LMLN: variants seen among roughly 807,000 people sequenced by gnomAD.
LMLN encodes leishmanolysin like peptidase, also known as leishmanolysin-like peptidase.
LMLN carries 70 observed loss-of-function variants against 92.3 expected under a neutral mutation model. The observed-to-expected ratio is 0.76, with a 90% CI of 0.63 to 0.92. LMLN has a LOEUF of 0.92. LMLN is among the 40% of genes least tolerant of loss of function. LMLN has a pLI of 0.00. For missense variants in LMLN, 691 were observed against 814.6 expected, an observed-to-expected ratio of 0.85 and a Z score of 1.85; for synonymous variants, 308 against 296.2, an observed-to-expected ratio of 1.04 and a Z score of -0.41.
chr3:197,964,062 T>G (rs1720980062), intron 1 of LMLN, among the ~76,000 whole-genome samples: 1 of 152,238 alleles, frequency 6.6e-6, no homozygotes, highest in Admixed American at 6.5e-5. Flanking sequence ...TTATGAACTG[T>G]TATGTGGTAG....
chr3:197,991,437 G>C (rs1721866180), intron 9 of LMLN, among the ~76,000 whole-genome samples: 1 of 152,064 alleles, frequency 6.6e-6, no homozygotes, highest in South Asian at 2.1e-4. Context: ...TGGCTCACAT[G>C]ACTGTGGAAG....
chr3:198,005,373 C>A (rs1320440062), intron 11 of LMLN, among the ~76,000 whole-genome samples: 1 of 151,874 alleles, frequency 6.6e-6, no homozygotes, highest in Non-Finnish European at 1.5e-5. Flanking sequence ...CTTCCAGGAC[C>A]CCCCTGGATA....
chr3:197,973,450 G>C lies in LMLN; in HGVS notation c.220-927G>C, dbSNP rs1033920648. 2.0e-5 allele frequency among the ~76,000 whole-genome samples: 3 copies of C among 152,064 alleles called. No homozygotes were observed. The South Asian group carries it at 6.2e-4, about 32-fold the overall frequency. Reference sequence around the variant, plus strand: ...GTAGAGATGGGGTTTCACCATGTTAGCCAGGATGGTCTCAGTCTCCTGACC... The same window carrying C: ...GTAGAGATGGGGTTTCACCATGTTACCCAGGATGGTCTCAGTCTCCTGACC... On this transcript the variant is annotated intron_variant, in intron 1 of 15. Transcript: ENST00000330198.
At chr3:198,018,205 A>C (rs1310830859) in intron 11 of LMLN, among the ~76,000 whole-genome samples, 1 of 152,256 alleles carries the variant, frequency 6.6e-6, no homozygotes, top group Non-Finnish European at 1.5e-5. Flanking sequence ...AACAGAAATG[A>C]CTTTCATGGT....
chr3:198,030,363 C>T (rs554535240), intron 14 of LMLN, among the ~76,000 whole-genome samples: 11 of 152,286 alleles, frequency 7.2e-5, no homozygotes, highest in Admixed American at 1.3e-4. Flanking sequence ...ACTATGCAGA[C>T]GTGGCGCCTG....
intron 11 of LMLN, among the ~76,000 whole-genome samples, chr3:198,006,042 A>C (rs1722284785): frequency 6.6e-6 from 1 of 152,142 alleles, no homozygotes. Context: ...GCTTGAATCC[A>C]GGAGGCAGGG....
chr3:197,994,834 C>T (rs2109890377), intron 9 of LMLN: 1 of 152,338 alleles, frequency 6.6e-6, no homozygotes. Context: ...TTACCATATG[C>T]TCCAACAATC....
At chr3:198,002,504 A>G (rs1266499835) in intron 11 of LMLN, among the ~76,000 whole-genome samples, 2 of 152,196 alleles carry the variant, frequency 1.3e-5, no homozygotes, top group Admixed American at 1.3e-4. Context: ...TTGGCAGGCC[A>G]AGGCGGGTGG....
At chr3:197,966,667 AT>A (rs34785591) in intron 1 of LMLN, among the ~76,000 whole-genome samples, 56,227 of 151,310 alleles carry the variant, frequency 0.37, 14,813 homozygotes, top group African/African-American at 0.75. Flanking sequence ...ACATTGATTG[AT>A]TTTTTTTGAA....
At chr3:197,970,012 C>A (rs906192887) in intron 1 of LMLN, among the ~76,000 whole-genome samples, 17 of 151,778 alleles carry the variant, frequency 1.1e-4, no homozygotes, top group Non-Finnish European at 1.9e-4. Context: ...ATTAGCTGGG[C>A]ATGGTGGCAG....
intron 11 of LMLN, among the ~76,000 whole-genome samples, chr3:198,007,300 T>A (rs1335701881): frequency 1.3e-5 from 2 of 152,222 alleles, no homozygotes; most frequent in Non-Finnish European, 2.9e-5. Context: ...TTTCAAAAGT[T>A]TTGTAGTTTA....
At chr3:198,022,727 A>C (rs1004237090) in intron 13 of LMLN, among the ~76,000 whole-genome samples, 1 of 152,196 alleles carries the variant, frequency 6.6e-6, no homozygotes, top group Non-Finnish European at 1.5e-5. Context: ...GTGATGGTGC[A>C]CACCTGTGGT....
exon 16 of LMLN, chr3:198,041,577 G>A (rs953279594): frequency 6.6e-6 from 1 of 152,138 alleles, no homozygotes; most frequent in African/African-American, 2.4e-5. Context: ...AAACACTTCT[G>A]GTCCCAAGCA....
chr3:197,966,288 C>T (rs187873582), intron 1 of LMLN, among the ~76,000 whole-genome samples: 29 of 152,148 alleles, frequency 1.9e-4, no homozygotes, highest in South Asian at 6.2e-4. Flanking sequence ...GTGATCCACC[C>T]GCCTCAGCCT....
chr3:197,976,460 T>C lies in LMLN; in HGVS notation c.432-138T>C, dbSNP rs1197088073. 1.3e-5 allele frequency: 7 copies of C among 554,792 alleles called. No individual in the cohort carries two copies. The East Asian group carries it at 1.5e-4, about 12-fold the overall frequency. The allele number at this position is 554,792 out of a possible 1,614,324, so 34.4% of individuals were successfully genotyped here. ...GATTTCCTATAGAACCCAAATTCTT[T>C]CTTAGCTACTTTCCTGACTAAAATA... On this transcript the variant is annotated intron_variant, in intron 4 of 15. Transcript: ENST00000330198.
intron 1 of LMLN, among the ~76,000 whole-genome samples, chr3:197,963,201 C>CTTTTTT (rs59827521): frequency 4.8e-4 from 69 of 143,840 alleles, no homozygotes; most frequent in African/African-American, 1.4e-3. Flanking sequence ...TTTTCTCTCT[C>CTTTTTT]TTTTTTTTTT....
intron 10 of LMLN, among the ~76,000 whole-genome samples, chr3:197,996,949 C>T (rs1722036172): frequency 6.6e-6 from 1 of 152,016 alleles, no homozygotes; most frequent in African/African-American, 2.4e-5. Context: ...ACCCAGCCTA[C>T]TCTAGTCTGT....
chr3:197,983,104 C>G (rs1421771596), intron 6 of LMLN, among the ~76,000 whole-genome samples: 1 of 152,136 alleles, frequency 6.6e-6, no homozygotes, highest in African/African-American at 2.4e-5. Flanking sequence ...CATACTTTTT[C>G]TAATTCTGTG....
intron 6 of LMLN, among the ~76,000 whole-genome samples, chr3:197,982,332 TCTCCTGCCTTAGC>T (rs1721582846): frequency 6.6e-6 from 1 of 151,668 alleles, no homozygotes. Context: ...TTCAAGTGAT[TCTCCTGCCTTAGC>T]CTCCTGAGTA....
Sources: allele counts gnomAD v4.1 joint callset (sites outside exome capture counted in the v4.1 genomes callset), GRCh38; gene constraint gnomAD v4.1.1; transcripts MANE v1.5; gene names NCBI Gene and HGNC (gene_info 2026-07-23, HGNC 2026-07-21).